The following THOC2 variants were observed in gnomAD, a reference collection of about 807,000 sequenced individuals.
The protein encoded by THOC2 is THO complex 2.
A neutral mutation model predicts 128.4 loss-of-function variants in THOC2; 10 were observed. That is an observed-to-expected ratio of 0.08 (90% CI 0.05 to 0.13). The LOEUF is 0.13. THOC2 is among the 10% of genes least tolerant of loss of function. THOC2 has a pLI of 1.00. For missense variants in THOC2, 535 were observed against 1,155.7 expected, an observed-to-expected ratio of 0.46 and a Z score of 7.79; for synonymous variants, 393 against 396.9, an observed-to-expected ratio of 0.99 and a Z score of 0.12.
rs759660371 is a variant in THOC2, at chrX:123,621,575, A to G, written c.3798T>C (p.Val1266=). Residue 1266 remains valine (V), a synonymous_variant, in exon 31 of 39, where the codon GTT becomes GTC. Transcript: ENST00000245838. ...TCCCTTTTTCTTTGTCATTTTCTTT[A>G]ACAGCTTTGTTGCTTAAGAATAAAA... The part of the protein sequence containing the change: ...GNSGSNSNKA[V]KENDKEKGKE... 70 of 1,124,651 alleles carry G rather than the reference A, an allele frequency of 6.2e-5. No homozygotes were observed. Among genetic ancestry groups the G allele is most frequent in the Non-Finnish European group, 7.6e-5 (64 of 844,949 alleles). 92.7% of individuals were successfully genotyped at this position (1,124,651 alleles called of 1,213,427 possible). A position where few individuals can be genotyped will look rare whatever the true frequency, so the allele number is the denominator to read the frequency against.
intron 38 of THOC2, among the ~76,000 whole-genome samples, chrX:123,604,520 G>A (rs891312464): frequency 4.5e-5 from 5 of 111,305 alleles, no homozygotes; most frequent in Non-Finnish European, 1.9e-5. Context: ...AGCTGTGATA[G>A]CAAGAATCAA....
At chrX:123,608,033 G>C (rs1001724161) in intron 38 of THOC2, among the ~76,000 whole-genome samples, 1 of 110,661 alleles carries the variant, frequency 9.0e-6, no homozygotes, top group Non-Finnish European at 1.9e-5. Flanking sequence ...CAGATGGCTT[G>C]AGTCCAGGAG....
At chrX:123,619,634 ATG>A (rs1240739758) in intron 32 of THOC2, 198 bp from the exon 33 acceptor site, 2 of 383,929 alleles carry the variant, frequency 5.2e-6, no homozygotes, top group African/African-American at 5.1e-5. Context: ...ACTAAATTAA[ATG>A]TACTCAATGT....
chrX:123,689,240 T>A (rs2050126160), intron 7 of THOC2, among the ~76,000 whole-genome samples: 1 of 111,898 alleles, frequency 8.9e-6, no homozygotes, highest in Non-Finnish European at 1.9e-5. Context: ...CTAGGTGCAA[T>A]TTAAGGCAGT....
intron 7 of THOC2, among the ~76,000 whole-genome samples, chrX:123,687,011 G>T (rs2050026194): frequency 9.0e-6 from 1 of 111,289 alleles, no homozygotes; most frequent in Admixed American, 9.6e-5. Flanking sequence ...TGCCTCATCA[G>T]TTCTTGATTA....
At position 123,623,250 on chromosome X, in the gene THOC2, G is replaced by A. The variant is rs371289901; in HGVS notation, c.3537C>T (p.Tyr1179=). 5.0e-6 allele frequency: 6 copies of A among 1,207,877 alleles called. No individual in the cohort carries two copies. Among genetic ancestry groups the A allele is most frequent in the South Asian group, 1.8e-5 (1 of 55,882 alleles). The change falls in exon 29 of 39, where the codon TAC becomes TAT. Residue 1179 remains tyrosine, a synonymous_variant. Transcript: ENST00000245838. The part of the protein sequence containing the change: ...YSGQLKSRKS[Y]MIPENEFHHK... ...GATGAAACTCATTTTCAGGTATCAT[G>A]TATGACTTTCTACTTTTCAACTGCC...
intron 38 of THOC2, among the ~76,000 whole-genome samples, chrX:123,604,184 C>A (rs1371012700): frequency 8.9e-6 from 1 of 111,922 alleles, no homozygotes; most frequent in Non-Finnish European, 1.9e-5. Flanking sequence ...CTACTCCAGG[C>A]TCAGTTCATA....
chrX:123,629,005 T>C (rs762986931), intron 22 of THOC2, among the ~76,000 whole-genome samples: 1 of 109,589 alleles, frequency 9.1e-6, no homozygotes, highest in East Asian at 2.8e-4. Flanking sequence ...TGGTTTATCC[T>C]AATTTGGGGG....
intron 8 of THOC2, among the ~76,000 whole-genome samples, chrX:123,672,303 T>C (rs2049310552): frequency 1.0e-5 from 1 of 97,184 alleles, no homozygotes; most frequent in Admixed American, 1.1e-4. Flanking sequence ...CACACCCAGC[T>C]TTTTTTTTTT....
At chrX:123,668,549 T>A (rs960252362) in intron 9 of THOC2, among the ~76,000 whole-genome samples, 2 of 112,377 alleles carry the variant, frequency 1.8e-5, no homozygotes, top group East Asian at 5.5e-4. Context: ...ATCTTCTGTC[T>A]GACAGAGTCC....
intron 8 of THOC2, among the ~76,000 whole-genome samples, chrX:123,684,585 G>A (rs1007772837): frequency 1.8e-5 from 2 of 111,140 alleles, no homozygotes; most frequent in Admixed American, 1.9e-4. Context: ...GCAGGGTTTC[G>A]CCATGTTGGC....
intron 26 of THOC2, 73 bp downstream of exon 26, chrX:123,624,468 T>C: frequency 9.5e-7 from 1 of 1,047,565 alleles, no homozygotes; most frequent in Non-Finnish European, 1.3e-6. Flanking sequence ...CTTTTAAAAC[T>C]CAACTATCTA....
intron 15 of THOC2, among the ~76,000 whole-genome samples, chrX:123,643,674 T>C (rs1395917843): frequency 3.7e-5 from 4 of 108,206 alleles, no homozygotes; most frequent in Middle Eastern, 4.3e-3. Flanking sequence ...ACTTTATTCA[T>C]ACTGTATAAC....
At chrX:123,698,574 G>A (rs2050548386) in intron 4 of THOC2, among the ~76,000 whole-genome samples, 1 of 108,848 alleles carries the variant, frequency 9.2e-6, no homozygotes, top group Non-Finnish European at 1.9e-5. Flanking sequence ...CTTATGAAAA[G>A]ACAGTATTAA....
intron 1 of THOC2, among the ~76,000 whole-genome samples, chrX:123,719,983 A>C (rs1270725273): frequency 2.7e-5 from 3 of 110,422 alleles, no homozygotes; most frequent in Non-Finnish European, 5.7e-5. Context: ...TCATCTCCAC[A>C]AAAAATAGAC....
chrX:123,628,405 T>C (rs2047344440), intron 22 of THOC2, among the ~76,000 whole-genome samples: 1 of 111,852 alleles, frequency 8.9e-6, no homozygotes, highest in South Asian at 3.7e-4. Flanking sequence ...AATAGCCAAC[T>C]AGGACAGAAT....
chrX:123,709,863 C>T (rs754662066), intron 2 of THOC2, among the ~76,000 whole-genome samples: 20 of 110,599 alleles, frequency 1.8e-4, no homozygotes, highest in Admixed American at 3.9e-4. Context: ...CACACTGTAC[C>T]CCAATTACTC....
intron 7 of THOC2, among the ~76,000 whole-genome samples, chrX:123,687,867 C>T (rs1417045919): frequency 1.8e-5 from 2 of 111,678 alleles, no homozygotes; most frequent in African/African-American, 6.5e-5. Context: ...AAAAAAGCTC[C>T]ATATTTTCAT....
intron 16 of THOC2, among the ~76,000 whole-genome samples, chrX:123,639,437 T>C (rs1195611893): frequency 1.8e-5 from 2 of 112,046 alleles, no homozygotes; most frequent in Non-Finnish European, 3.8e-5. Flanking sequence ...CAACAGTGTT[T>C]TATAGTTCTA....
Sources: gnomAD v4.1 joint callset for allele counts (sites outside exome capture counted in the v4.1 genomes callset) on GRCh38, gnomAD v4.1.1 for gene constraint, MANE v1.5 for transcripts, NCBI Gene and HGNC (gene_info 2026-07-23, HGNC 2026-07-21) for gene names.